The following PPFIA2 variants were observed in gnomAD, a reference collection of about 807,000 sequenced individuals.
PPFIA2 encodes PPFI scaffold protein A2, also known as liprin-alpha-2.
A neutral mutation model predicts 175.5 loss-of-function variants in PPFIA2; 46 were observed. The ratio of observed to expected loss-of-function variants is 0.26; its 90% confidence interval spans 0.21 to 0.34. The LOEUF is 0.34. PPFIA2 is among the 10% of genes least tolerant of loss of function. The probability of loss-of-function intolerance (pLI) is 1.00; values close to 1 mark genes in which losing one functional copy is unlikely to be tolerated. For synonymous variants in PPFIA2, 568 were observed against 511.4 expected (o/e 1.11, Z -1.49); for missense variants, 1,179 against 1,506.1 (o/e 0.78, Z 3.60).
At chr12:81,508,703 C>T (rs1009810512) in intron 4 of PPFIA2, among the ~76,000 whole-genome samples, 21 of 150,914 alleles carry the variant, frequency 1.4e-4, no homozygotes, top group Admixed American at 6.6e-4. Flanking sequence ...CTTGCTGGTG[C>T]GCTGCATCCA....
chr12:81,371,799 T>A (rs1028655607), intron 11 of PPFIA2, among the ~76,000 whole-genome samples: 3 of 151,748 alleles, frequency 2.0e-5, no homozygotes, highest in Non-Finnish European at 1.5e-5. Context: ...ATTGGTTAAT[T>A]GCGTATAAAC....
At chr12:81,436,900 G>A (rs1431340568) in intron 7 of PPFIA2, among the ~76,000 whole-genome samples, 1 of 152,132 alleles carries the variant, frequency 6.6e-6, no homozygotes, top group Non-Finnish European at 1.5e-5. Context: ...CAAAATGGAA[G>A]TTAATAATGA....
At chr12:81,481,642 G>C (rs1414349688) in intron 4 of PPFIA2, among the ~76,000 whole-genome samples, 2 of 152,144 alleles carry the variant, frequency 1.3e-5, no homozygotes, top group Non-Finnish European at 2.9e-5. Context: ...AATGGGGAAA[G>C]GAAATCCATA....
At chr12:81,520,510 T>G (rs2062992029) in intron 4 of PPFIA2, among the ~76,000 whole-genome samples, 1 of 152,240 alleles carries the variant, frequency 6.6e-6, no homozygotes, top group Admixed American at 6.5e-5. Flanking sequence ...TCACAAAGTA[T>G]GCAATAAACA....
At chr12:81,495,536 G>A (rs1312153017) in intron 4 of PPFIA2, among the ~76,000 whole-genome samples, 2 of 152,004 alleles carry the variant, frequency 1.3e-5, no homozygotes, top group Non-Finnish European at 2.9e-5. Flanking sequence ...TAGGTATGGT[G>A]GCTCATGCCT....
intron 4 of PPFIA2, among the ~76,000 whole-genome samples, chr12:81,570,994 A>C (rs1451469478): frequency 2.0e-5 from 3 of 151,978 alleles, no homozygotes; most frequent in Non-Finnish European, 4.4e-5. Context: ...CCTAGTAAAA[A>C]AAATCATCTA....
intron 4 of PPFIA2, among the ~76,000 whole-genome samples, chr12:81,497,938 T>A (rs1294392522): frequency 6.6e-6 from 1 of 152,172 alleles, no homozygotes; most frequent in Non-Finnish European, 1.5e-5. Flanking sequence ...TCCTTTTCCA[T>A]AATTTTTCCT....
intron 22 of PPFIA2, among the ~76,000 whole-genome samples, chr12:81,321,055 C>CAAGAGAGAGAG (rs2053548924): frequency 6.7e-6 from 1 of 148,646 alleles, no homozygotes; most frequent in East Asian, 2.0e-4. Context: ...ATAAATAAAA[C>CAAGAGAGAGAG]AGAGAGAGAG....
intron 4 of PPFIA2, among the ~76,000 whole-genome samples, chr12:81,591,946 C>A (rs899593764): frequency 7.9e-5 from 12 of 152,240 alleles, no homozygotes; most frequent in African/African-American, 2.9e-4. Context: ...CACTGTACAC[C>A]TGGAAAAGCC....
At chr12:81,758,565 A>G (rs1457316315) in intron 1 of PPFIA2, 58 bp from the exon 2 acceptor site, 1 of 389,164 alleles carries the variant, frequency 2.6e-6, no homozygotes. Flanking sequence ...GCCCTCCCGG[A>G]ACGTGCCCCG....
intron 6 of PPFIA2, among the ~76,000 whole-genome samples, chr12:81,443,503 A>G (rs1181849495): frequency 6.6e-6 from 1 of 151,964 alleles, no homozygotes; most frequent in Non-Finnish European, 1.5e-5. Flanking sequence ...AAAGTAAATT[A>G]TTTCTAGATT....
At chr12:81,512,937 A>G (rs2147846628) in intron 4 of PPFIA2, among the ~76,000 whole-genome samples, 1 of 152,188 alleles carries the variant, frequency 6.6e-6, no homozygotes, top group Middle Eastern at 3.4e-3. Flanking sequence ...GAACAGAAAA[A>G]TAAATAATCA....
chr12:81,544,876 TA>T (rs1180876231), intron 4 of PPFIA2, among the ~76,000 whole-genome samples: 1 of 152,136 alleles, frequency 6.6e-6, no homozygotes, highest in African/African-American at 2.4e-5. Flanking sequence ...TCAGAACCCA[TA>T]AGGTAGCATA....
At chr12:81,608,602 C>T (rs746169551) in intron 4 of PPFIA2, among the ~76,000 whole-genome samples, 3 of 151,890 alleles carry the variant, frequency 2.0e-5, no homozygotes, top group African/African-American at 4.8e-5. Context: ...TAATACTCTC[C>T]GAGAATCCTT....
chr12:81,375,429 A>T (rs1442817456), intron 10 of PPFIA2, among the ~76,000 whole-genome samples: 1 of 152,128 alleles, frequency 6.6e-6, no homozygotes, highest in Non-Finnish European at 1.5e-5. Flanking sequence ...TAGCAGATGT[A>T]TGATCTTGGG....
At chr12:81,374,537 T>C in intron 11 of PPFIA2, 97 bp downstream of exon 11, 1 of 1,390,174 alleles carries the variant, frequency 7.2e-7, no homozygotes, top group South Asian at 1.6e-5. Flanking sequence ...TAAACTTAAT[T>C]TTCATAAAGC....
chr12:81,297,602 T>C (rs748762622), intron 23 of PPFIA2, among the ~76,000 whole-genome samples: 5 of 152,228 alleles, frequency 3.3e-5, no homozygotes, highest in Non-Finnish European at 7.3e-5. Context: ...CTATTTAGTT[T>C]ATAAACTCAA....
At chr12:81,326,076 AT>A (rs1273369507) in intron 21 of PPFIA2, among the ~76,000 whole-genome samples, 1 of 152,168 alleles carries the variant, frequency 6.6e-6, no homozygotes, top group Non-Finnish European at 1.5e-5. Flanking sequence ...AGCAGTACCT[AT>A]GGGGATATAA....
intron 21 of PPFIA2, among the ~76,000 whole-genome samples, chr12:81,329,866 G>A (rs1318263450): frequency 2.0e-5 from 3 of 152,192 alleles, no homozygotes; most frequent in Admixed American, 1.3e-4. Context: ...ATTAGACCCC[G>A]GGTCCGGGTC....
Sources: allele counts gnomAD v4.1 joint callset (sites outside exome capture counted in the v4.1 genomes callset), GRCh38; gene constraint gnomAD v4.1.1; transcripts MANE v1.5; gene names NCBI Gene and HGNC (gene_info 2026-07-23, HGNC 2026-07-21).